The following C6orf118 variants were observed in gnomAD, a reference collection of about 807,000 sequenced individuals.
C6orf118 encodes the protein chromosome 6 open reading frame 118.
Under a neutral mutation model 50.2 loss-of-function variants are expected in C6orf118, and 50 were observed. The observed-to-expected ratio is 1.00, with a 90% CI of 0.79 to 1.26. C6orf118 has a LOEUF of 1.26. Ranked by LOEUF, C6orf118 falls within the 50% of genes most tolerant of loss-of-function variation. The pLI is 0.00. For synonymous variants in C6orf118, 239 were observed against 230.9 expected (o/e 1.03, Z -0.32); for missense variants, 641 against 578.7 (o/e 1.11, Z -1.10).
chr6:165,298,483 C>G (rs1433119442), intron 4 of C6orf118, among the ~76,000 whole-genome samples: 1 of 152,118 alleles, frequency 6.6e-6, no homozygotes, highest in Admixed American at 6.6e-5. Flanking sequence ...TTGCCATCCG[C>G]AGATGTAAAG....
intron 1 of C6orf118, among the ~76,000 whole-genome samples, chr6:165,308,189 C>G (rs1378897481): frequency 6.6e-6 from 1 of 152,142 alleles, no homozygotes; most frequent in Non-Finnish European, 1.5e-5. Context: ...CACCCTGACG[C>G]CAGAGGTCAG....
At chr6:165,302,463 G>T (rs934956269) in intron 1 of C6orf118, among the ~76,000 whole-genome samples, 167 bp from the exon 2 acceptor site, 1 of 152,128 alleles carries the variant, frequency 6.6e-6, no homozygotes, top group African/African-American at 2.4e-5. Context: ...ACCCGTGCCC[G>T]GCCCAGTGTG....
intron 7 of C6orf118, among the ~76,000 whole-genome samples, chr6:165,285,944 T>C (rs926762542): frequency 1.4e-5 from 2 of 147,662 alleles, no homozygotes; most frequent in South Asian, 4.3e-4. Flanking sequence ...CTGAAGGAAA[T>C]AGAGACACAA....
At chr6:165,307,830 G>T (rs1780800670) in intron 1 of C6orf118, among the ~76,000 whole-genome samples, 1 of 152,224 alleles carries the variant, frequency 6.6e-6, no homozygotes. Flanking sequence ...GCCAGTGGGG[G>T]TCTGTCCTCG....
At chr6:165,280,722 C>A (rs1279288845) in intron 8 of C6orf118, among the ~76,000 whole-genome samples, 2 of 152,164 alleles carry the variant, frequency 1.3e-5, no homozygotes, top group Non-Finnish European at 2.9e-5. Flanking sequence ...TGCCATCTGT[C>A]ATTCACATTT....
chr6:165,300,761 C>T (rs1237014708), intron 2 of C6orf118, among the ~76,000 whole-genome samples: 1 of 152,108 alleles, frequency 6.6e-6, no homozygotes. Context: ...TCCGCCTCCA[C>T]AGTCCCCAAA....
At chr6:165,283,768 G>A (rs1379048028) in intron 7 of C6orf118, among the ~76,000 whole-genome samples, 7 of 152,164 alleles carry the variant, frequency 4.6e-5, no homozygotes, top group East Asian at 1.9e-4. Flanking sequence ...CAAACAGAAA[G>A]CAACAACAAG....
intron 4 of C6orf118, among the ~76,000 whole-genome samples, chr6:165,298,938 A>T (rs1279876689): frequency 2.0e-5 from 3 of 152,234 alleles, no homozygotes; most frequent in Admixed American, 2.0e-4. Flanking sequence ...TCTTAGCTAC[A>T]GTGTTAGATT....
chr6:165,296,475 C>A (rs1281313132), intron 5 of C6orf118, among the ~76,000 whole-genome samples: 1 of 151,976 alleles, frequency 6.6e-6, no homozygotes, highest in Non-Finnish European at 1.5e-5. Context: ...CTTTCCTCAA[C>A]CCACTGACCC....
chr6:165,300,206 G>A (rs1418070200), intron 3 of C6orf118, among the ~76,000 whole-genome samples, 158 bp downstream of exon 3: 2 of 152,162 alleles, frequency 1.3e-5, no homozygotes, highest in Non-Finnish European at 2.9e-5. Flanking sequence ...TTACGTGCCT[G>A]CAGGCAGATG....
chr6:165,292,611 T>C (rs1240399572), intron 6 of C6orf118, among the ~76,000 whole-genome samples: 1 of 152,192 alleles, frequency 6.6e-6, no homozygotes, highest in East Asian at 1.9e-4. Context: ...ATTTCACGTC[T>C]GTGAGAGGAA....
At chr6:165,287,828 C>T (rs749943933) in intron 7 of C6orf118, among the ~76,000 whole-genome samples, 1 of 151,964 alleles carries the variant, frequency 6.6e-6, no homozygotes, top group Non-Finnish European at 1.5e-5. Flanking sequence ...AACTGTAAAA[C>T]CCTAGAAGAA....
At chr6:165,281,727 T>A (rs760201891) in intron 7 of C6orf118, 34 bp from the exon 8 acceptor site, 3 of 1,297,906 alleles carry the variant, frequency 2.3e-6, no homozygotes, top group South Asian at 3.0e-5. Context: ...ACAATATACT[T>A]GGTTAAAAAT....
intron 5 of C6orf118, among the ~76,000 whole-genome samples, chr6:165,294,735 C>T (rs913133621): frequency 2.0e-5 from 3 of 151,844 alleles, no homozygotes; most frequent in Non-Finnish European, 4.4e-5. Context: ...AAAAATAATA[C>T]AAAAATTAGT....
At chr6:165,282,782 GTAGT>G (rs1470397635) in intron 7 of C6orf118, among the ~76,000 whole-genome samples, 1 of 151,548 alleles carries the variant, frequency 6.6e-6, no homozygotes, top group Non-Finnish European at 1.5e-5. Context: ...TAAATAAGAA[GTAGT>G]TAAAGTAATA....
At chr6:165,302,788 C>T (rs1583026722) in intron 1 of C6orf118, among the ~76,000 whole-genome samples, 3 of 152,298 alleles carry the variant, frequency 2.0e-5, no homozygotes, top group East Asian at 1.9e-4. Flanking sequence ...ACACACACCT[C>T]TTCCTGCAGC....
chr6:165,287,659 A>T (rs1440745404), intron 7 of C6orf118, among the ~76,000 whole-genome samples: 3 of 152,184 alleles, frequency 2.0e-5, no homozygotes. Context: ...TCTTTGACAA[A>T]CCTGACAAAA....
chr6:165,306,436 G>T (rs1780731162), intron 1 of C6orf118, among the ~76,000 whole-genome samples: 1 of 131,036 alleles, frequency 7.6e-6, no homozygotes, highest in Admixed American at 8.1e-5. Context: ...TAACTAACCT[G>T]CACAATGTGC....
chr6:165,292,364 G>A (rs982098944), intron 6 of C6orf118, among the ~76,000 whole-genome samples: 16 of 152,136 alleles, frequency 1.1e-4, no homozygotes, highest in African/African-American at 3.1e-4. Flanking sequence ...TTGTTCCATC[G>A]CAATGAAAGG....
Sources: allele counts gnomAD v4.1 joint callset (sites outside exome capture counted in the v4.1 genomes callset), GRCh38; gene constraint gnomAD v4.1.1; transcripts MANE v1.5; gene names NCBI Gene and HGNC (gene_info 2026-07-23, HGNC 2026-07-21).